Variants in DPP10 observed in about 807,000 individuals in gnomAD.
DPP10 encodes dipeptidyl peptidase like 10.
DPP10 carries 33 observed loss-of-function variants against 120.9 expected under a neutral mutation model. That is an observed-to-expected ratio of 0.27 (90% CI 0.21 to 0.37). The LOEUF is 0.37. Among genes scored for constraint, DPP10 ranks in the 10% least tolerant of loss-of-function variants. The pLI, the probability that DPP10 is intolerant of heterozygous loss-of-function variation, is 1.00. For missense variants in DPP10, 816 were observed against 942.8 expected, an observed-to-expected ratio of 0.87 and a Z score of 1.76; for synonymous variants, 337 against 326.1, an observed-to-expected ratio of 1.03 and a Z score of -0.36.
At chr2:114,504,913 A>G (rs1161387702) in intron 1 of DPP10, among the ~76,000 whole-genome samples, 1 of 151,818 alleles carries the variant, frequency 6.6e-6, no homozygotes, top group African/African-American at 2.4e-5. Context: ...TTAGCCGGGC[A>G]TGGTGGCGGG....
At chr2:114,694,719 C>T (rs1699969608) in intron 1 of DPP10, among the ~76,000 whole-genome samples, 1 of 151,804 alleles carries the variant, frequency 6.6e-6, no homozygotes, top group Non-Finnish European at 1.5e-5. Context: ...GTTATAAGTA[C>T]CTAAGCTAAT....
chr2:115,703,876 C>T (rs1009112064), intron 7 of DPP10, among the ~76,000 whole-genome samples: 3 of 151,962 alleles, frequency 2.0e-5, no homozygotes, highest in African/African-American at 7.2e-5. Context: ...CCCACCTGTT[C>T]TTTCCTACAA....
chr2:114,817,297 C>G lies in DPP10; in HGVS notation c.60+374459C>G, dbSNP rs1167989345. Among the ~76,000 whole-genome samples, 10 of 93,860 alleles carry G rather than the reference C, an allele frequency of 1.1e-4. No homozygotes were observed. In the East Asian group the frequency reaches 5.1e-3, roughly 48 times the overall value. The allele number at this position is 93,860 out of a possible 152,430, so 61.6% of individuals were successfully genotyped here. ...GTGATAGGGGGATATCAGCCAGTGTCCTGGCCAAAAAAAAAAAAAGGCTCA... is the reference window on the plus strand; with the variant it reads ...GTGATAGGGGGATATCAGCCAGTGTGCTGGCCAAAAAAAAAAAAAGGCTCA... On this transcript the variant is annotated intron_variant, in intron 1 of 25. Transcript: ENST00000410059.
chr2:115,805,380 G>A lies in DPP10; in HGVS notation c.1701-9413G>A, dbSNP rs181753379. Among the ~76,000 whole-genome samples, 443 of 152,160 alleles carry A rather than the reference G, an allele frequency of 2.9e-3. 1 individual carries two copies. The highest frequency in any genetic ancestry group is 4.8e-3 in the Non-Finnish European group (326 of 68,018). ...AATTCCCTGACCCCTTGCGCTTCCC[G>A]GGTGAGGCGATGCCTCGCCCTGCTT... On this transcript the variant is annotated intron_variant, in intron 19 of 25. Coordinates refer to ENST00000410059, the MANE Select transcript of DPP10 (RefSeq NM_020868.6).
In DPP10 at chr2:115,299,494, G is replaced by A. The variant is rs542979998; in HGVS notation, c.61-9745G>A. ...TCTAACTTGGCTCCATGGAGATCAC[G>A]ATATTTCTCATTGGAATGTTTTGCT... On this transcript the variant is annotated intron_variant, in intron 1 of 25. Transcript: ENST00000410059. Among the ~76,000 whole-genome samples the A allele has an allele frequency of 5.3e-5, 8 of 152,116 alleles. No individual in the cohort carries two copies. The South Asian group carries it at 1.5e-3, about 28-fold the overall frequency.
chr2:115,661,335 A>G (rs935838355), intron 5 of DPP10, among the ~76,000 whole-genome samples: 2 of 152,150 alleles, frequency 1.3e-5, no homozygotes, highest in Admixed American at 6.6e-5. Context: ...CTGTATTTCT[A>G]AGTTCTCAAC....
intron 3 of DPP10, among the ~76,000 whole-genome samples, chr2:115,473,556 C>T (rs1446715496): frequency 6.6e-6 from 1 of 152,054 alleles, no homozygotes; most frequent in African/African-American, 2.4e-5. Context: ...TCAATATCAG[C>T]CAATTTTTCA....
chr2:115,145,409 C>A (rs996021028), intron 1 of DPP10, among the ~76,000 whole-genome samples: 1 of 152,114 alleles, frequency 6.6e-6, no homozygotes, highest in Non-Finnish European at 1.5e-5. Flanking sequence ...AGTATGTAGC[C>A]TTTTCAGACT....
chr2:115,527,798 A>G (rs1472734727), intron 5 of DPP10, among the ~76,000 whole-genome samples: 2 of 152,170 alleles, frequency 1.3e-5, no homozygotes, highest in Non-Finnish European at 2.9e-5. Context: ...ATGCAAATTG[A>G]AACTACAATA....
intron 5 of DPP10, among the ~76,000 whole-genome samples, chr2:115,603,808 A>G (rs1475231655): frequency 2.0e-5 from 3 of 152,096 alleles, no homozygotes; most frequent in African/African-American, 7.2e-5. Flanking sequence ...TTTATTCTGT[A>G]AGATAAAATA....
chr2:115,771,200 G>A (rs564954367), intron 13 of DPP10, among the ~76,000 whole-genome samples: 1 of 151,646 alleles, frequency 6.6e-6, no homozygotes, highest in Non-Finnish European at 1.5e-5. Context: ...TCAGCCTCCC[G>A]AGTAGCTGGG....
At chr2:115,622,010 A>T (rs987156291) in intron 5 of DPP10, among the ~76,000 whole-genome samples, 4 of 152,156 alleles carry the variant, frequency 2.6e-5, no homozygotes, top group African/African-American at 9.7e-5. Context: ...CTTTATTGAG[A>T]TATAATTTAC....
At chr2:115,767,498 T>C (rs565322028) in intron 12 of DPP10, among the ~76,000 whole-genome samples, 8 of 145,558 alleles carry the variant, frequency 5.5e-5, no homozygotes, top group Admixed American at 1.5e-4. Context: ...TGTATATATA[T>C]ATACACATAG....
intron 3 of DPP10, among the ~76,000 whole-genome samples, chr2:115,462,203 T>G (rs900209343): frequency 3.9e-5 from 6 of 152,110 alleles, no homozygotes; most frequent in African/African-American, 1.4e-4. Context: ...CTAGAATTCC[T>G]CTATGCCTCC....
intron 1 of DPP10, among the ~76,000 whole-genome samples, chr2:115,125,861 T>C (rs4848381): frequency 0.77 from 117,680 of 152,076 alleles, 45,701 homozygotes; most frequent in East Asian, 0.82. Flanking sequence ...GGATTAAAGG[T>C]GCAAGGCACC....
At position 115,121,999 on chromosome 2, in the gene DPP10, G is replaced by T. The variant is rs184385188; in HGVS notation, c.61-187240G>T. ...GGTATGCATCGAAGGGTCATGTCCT[G>T]TGGTGTGCAGACGCAATTAACTATA... On this transcript the variant is annotated intron_variant, in intron 1 of 25. Transcript: ENST00000410059. Among the ~76,000 whole-genome samples the T allele has an allele frequency of 1.1e-4, 16 of 152,328 alleles. No homozygotes were observed. The East Asian group carries it at 3.1e-3, about 29-fold the overall frequency.
At chr2:115,672,718 T>TTCTTTCTCTTACTTTCTCTTTCTC (rs1294432919) in intron 5 of DPP10, among the ~76,000 whole-genome samples, 1 of 115,744 alleles carries the variant, frequency 8.6e-6, no homozygotes, top group Admixed American at 9.2e-5. Context: ...TTCTCTTTCT[T>TTCTTTCTCTTACTTTCTCTTTCTC]TCTCTTTCTC....
At chr2:115,611,555 A>T (rs1197465907) in intron 5 of DPP10, among the ~76,000 whole-genome samples, 2 of 152,152 alleles carry the variant, frequency 1.3e-5, no homozygotes, top group African/African-American at 4.8e-5. Flanking sequence ...TTGGGACTAT[A>T]TGACTTTCTA....
intron 17 of DPP10, among the ~76,000 whole-genome samples, chr2:115,783,079 C>T (rs1248462097): frequency 6.6e-6 from 1 of 151,910 alleles, no homozygotes; most frequent in African/African-American, 2.4e-5. Context: ...TGTTTGTATC[C>T]TTCTTTCATT....
Sources: gnomAD v4.1 joint callset for allele counts (sites outside exome capture counted in the v4.1 genomes callset) on GRCh38, gnomAD v4.1.1 for gene constraint, MANE v1.5 for transcripts, NCBI Gene and HGNC (gene_info 2026-07-23, HGNC 2026-07-21) for gene names.